DNAH11: variants seen among roughly 807,000 people sequenced by gnomAD.
DNAH11 encodes the protein dynein axonemal heavy chain 11.
In DNAH11, 442 loss-of-function variants were observed where a neutral mutation model predicts 526.0. The observed-to-expected ratio is 0.84, with a 90% CI of 0.78 to 0.91. The LOEUF (loss-of-function observed/expected upper bound fraction) is 0.91. DNAH11 is among the 40% of genes least tolerant of loss of function. DNAH11 has a pLI of 0.00. For synonymous variants in DNAH11, 2,461 were observed against 1,935.9 expected, an observed-to-expected ratio of 1.27 and a Z score of -7.12; for missense variants, 6,989 against 5,448.7, an observed-to-expected ratio of 1.28 and a Z score of -8.90.
intron 8 of DNAH11, among the ~76,000 whole-genome samples, chr7:21,579,791 G>C (rs1230933976): frequency 6.6e-6 from 1 of 152,168 alleles, no homozygotes; most frequent in Non-Finnish European, 1.5e-5. Flanking sequence ...TTTTAAAAAA[G>C]ATTATTTAGT....
chr7:21,710,562 C>G lies in DNAH11; in HGVS notation c.6693C>G (p.Tyr2231Ter). The G allele has an allele frequency of 2.5e-6, 4 of 1,608,176 alleles. No homozygotes were observed. The highest frequency in any genetic ancestry group is 3.4e-6 in the Non-Finnish European group (4 of 1,176,040). ...TREWKDGKIVYSYFIGLFSSI... is the reference protein window; with the variant it reads ...TREWKDGKIV The stretch of plus-strand genomic sequence containing the variant: ...CTACATTATATATTAGGATTGTTTA[C>G]TCTTATTTTATAGGTCTCTTCTCAT... The change falls in exon 41 of 82, where the codon TAC becomes TAG. Residue 2231 changes from tyrosine (Y) to a stop codon, truncating the protein, a stop_gained. Transcript: ENST00000409508. LOFTEE classifies it high-confidence loss of function.
Position 21,738,792 on chromosome 7 carries a change from C to A in DNAH11, c.7737C>A (p.Asn2579Lys). The A allele has an allele frequency of 6.2e-7, 1 of 1,601,176 alleles. No individual in the cohort carries two copies. The highest frequency in any genetic ancestry group is 8.5e-7 in the Non-Finnish European group (1 of 1,173,396). ...KKLIYFIDDM[N>K]MPEVDLYGTV... ...TGATTTATTTTATCGACGACATGAACATGCCTGAAGTGGACTTATATGGCA... is the reference window on the plus strand; with the variant it reads ...TGATTTATTTTATCGACGACATGAAAATGCCTGAAGTGGACTTATATGGCA... Residue 2579 changes from asparagine to lysine, a missense_variant, in exon 47 of 82, where the codon AAC (asparagine) becomes AAA (lysine). Coordinates refer to ENST00000409508, the MANE Select transcript of DNAH11 (RefSeq NM_001277115.2).
chr7:21,753,857 T>G (rs1786515883), intron 54 of DNAH11, among the ~76,000 whole-genome samples: 1 of 152,242 alleles, frequency 6.6e-6, no homozygotes, highest in Non-Finnish European at 1.5e-5. Context: ...ATGTCAATTT[T>G]GATCGAAATC....
chr7:21,636,846 T>G (rs1314843401), intron 26 of DNAH11, among the ~76,000 whole-genome samples: 1 of 152,100 alleles, frequency 6.6e-6, no homozygotes, highest in African/African-American at 2.4e-5. Context: ...GTAATAAAGG[T>G]AAACAGATTC....
intron 37 of DNAH11, 29 bp from the exon 38 acceptor site, chr7:21,704,405 G>C (rs1784179934): frequency 6.3e-7 from 1 of 1,583,614 alleles, no homozygotes; most frequent in African/African-American, 1.3e-5. Context: ...CCTTGTATTG[G>C]CTTTTTTATA....
chr7:21,864,723 G>C, intron 70 of DNAH11, 66 bp downstream of exon 70: 1 of 1,447,818 alleles, frequency 6.9e-7, no homozygotes, highest in Non-Finnish European at 9.2e-7. Flanking sequence ...CTCCAGTGTT[G>C]AAATGTAAAC....
At chr7:21,801,362 T>C in intron 62 of DNAH11, 87 bp downstream of exon 62, 1 of 1,518,674 alleles carries the variant, frequency 6.6e-7, no homozygotes, top group East Asian at 2.3e-5. Flanking sequence ...AATAACTAAA[T>C]AGACATGGAA....
chr7:21,763,353 A>AAAAAAAAAAAAAAGAAG lies in DNAH11; in HGVS notation c.8941-2072_8941-2071insAAAAAAAAAAGAAGAAA, dbSNP rs66803559. On this transcript the variant is annotated intron_variant, in intron 54 of 81. Transcript: ENST00000409508. ...CAAGACTGTCTCAAAAAAAAAAAAA[A>AAAAAAAAAAAAAAGAAG]AAAGAAAAAAAAAAAGACTTACAAA... Among the ~76,000 whole-genome samples the AAAAAAAAAAAAAAGAAG allele has an allele frequency of 1.1e-3, 61 of 56,936 alleles. 1 individual carries two copies. The highest frequency in any genetic ancestry group is 1.3e-3 in the Non-Finnish European group (47 of 35,548). 37.4% of individuals were successfully genotyped at this position (56,936 alleles called of 152,430 possible). A position where few individuals can be genotyped will look rare whatever the true frequency, so the allele number is the denominator to read the frequency against.
intron 65 of DNAH11, among the ~76,000 whole-genome samples, chr7:21,840,292 A>T (rs989107187): frequency 9.2e-5 from 14 of 152,260 alleles, no homozygotes; most frequent in African/African-American, 3.1e-4. Context: ...GTGAAATAAC[A>T]TCTCACCTGG....
intron 34 of DNAH11, among the ~76,000 whole-genome samples, chr7:21,689,984 T>C: frequency 6.6e-6 from 1 of 152,262 alleles, no homozygotes; most frequent in South Asian, 2.1e-4. Context: ...AATCTTTCAC[T>C]ATTTCTCCAA....
intron 74 of DNAH11, among the ~76,000 whole-genome samples, chr7:21,875,211 T>C (rs1253928340): frequency 1.3e-5 from 2 of 152,198 alleles, no homozygotes; most frequent in Non-Finnish European, 2.9e-5. Flanking sequence ...GACAGACATA[T>C]ATGTTTTTTA....
chr7:21,728,309 G>A (rs185451056), intron 45 of DNAH11, among the ~76,000 whole-genome samples: 2,402 of 124,706 alleles, frequency 0.019, 48 homozygotes, highest in Middle Eastern at 0.053. Flanking sequence ...CCAGGCTGGA[G>A]TGCAGTGGTG....
At chr7:21,889,060 A>C (rs538119146) in intron 76 of DNAH11, among the ~76,000 whole-genome samples, 1 of 134,094 alleles carries the variant, frequency 7.5e-6, no homozygotes, top group Non-Finnish European at 1.6e-5. Context: ...TTTGTTTCCC[A>C]CCCCATATTC....
rs766955735 is a variant in DNAH11 at position 21,739,617 on chromosome 7, T to C, written c.7858T>C (p.Tyr2620His). 1 of 1,613,012 alleles carries C rather than the reference T, an allele frequency of 6.2e-7. No homozygotes were observed. The highest frequency in any genetic ancestry group is 8.5e-7 in the Non-Finnish European group (1 of 1,179,508). The change falls in exon 48 of 82, where the codon TAT becomes CAT. Residue 2620 changes from tyrosine to histidine, a missense_variant. Coordinates refer to ENST00000409508, the MANE Select transcript of DNAH11 (RefSeq NM_001277115.2). ...GCTTAAAGAAATCCATAACTGCCAG[T>C]ATGTCGCCTGCATGAATCCGATGGT... ...VMLKEIHNCQYVACMNPMVGS... is the reference protein window; with the variant it reads ...VMLKEIHNCQHVACMNPMVGS...
At chr7:21,805,237 G>A (rs1296654047) in intron 62 of DNAH11, among the ~76,000 whole-genome samples, 2 of 152,078 alleles carry the variant, frequency 1.3e-5, no homozygotes, top group Admixed American at 1.3e-4. Flanking sequence ...TTTTTTGATA[G>A]CATTTATTGC....
At position 21,816,574 on chromosome 7, in the gene DNAH11, C is replaced by T. The variant is rs369013054; in HGVS notation, c.10440C>T (p.Thr3480=). The T allele has an allele frequency of 2.5e-5, 41 of 1,613,254 alleles. No individual in the cohort carries two copies. The highest frequency in any genetic ancestry group is 5.3e-5 in the African/African-American group (4 of 74,878). The stretch of plus-strand genomic sequence containing the variant: ...GACTGCCCAGTGACAGAATGTCCAC[C>T]GAAAATGCCGCTATCCTAACACACT... ...NEGLPSDRMS[T]ENAAILTHCE... is the part of the protein sequence containing the mutation. Residue 3480 remains threonine, a synonymous_variant, in exon 64 of 82, where the codon ACC becomes ACT. Coordinates refer to ENST00000409508, the MANE Select transcript of DNAH11 (RefSeq NM_001277115.2).
intron 4 of DNAH11, among the ~76,000 whole-genome samples, chr7:21,560,215 C>CAG (rs1783398082): frequency 6.6e-6 from 1 of 152,028 alleles, no homozygotes; most frequent in Non-Finnish European, 1.5e-5. Flanking sequence ...GTTAAGACAT[C>CAG]CATTCACATG....
chr7:21,784,243 T>C (rs1235305207), intron 57 of DNAH11, among the ~76,000 whole-genome samples, 184 bp from the exon 58 acceptor site: 1 of 152,238 alleles, frequency 6.6e-6, no homozygotes, highest in African/African-American at 2.4e-5. Flanking sequence ...GTTTTTTACA[T>C]GTACAAAACT....
Position 21,717,796 on chromosome 7 carries a change from C to T in DNAH11, c.7005C>T (p.Asp2335=). 1 of 1,613,772 alleles carries T rather than the reference C, an allele frequency of 6.2e-7. No homozygotes were observed. The highest frequency in any genetic ancestry group is 1.3e-5 in the African/African-American group (1 of 75,024). The change falls in exon 43 of 82, where the codon GAC becomes GAT. Residue 2335 remains aspartate, a synonymous_variant. Transcript: ENST00000409508. ...GWNPYVASWI[D]RRRHQSEKAN... is the part of the protein sequence containing the mutation. ...TCAGGTATGTGGCCAGTTGGATAGA[C>T]AGAAGGCGGCATCAATCAGAAAAGG... is the stretch of plus-strand genomic sequence containing the variant.
Sources: allele counts gnomAD v4.1 joint callset (sites outside exome capture counted in the v4.1 genomes callset), GRCh38; gene constraint gnomAD v4.1.1; transcripts MANE v1.5; gene names NCBI Gene and HGNC (gene_info 2026-07-23, HGNC 2026-07-21).